SYNJ2: variants seen among roughly 807,000 people sequenced by gnomAD.
SYNJ2 encodes the protein polyphosphatidylinositol phosphatase SYNJ2.
In SYNJ2, 116 loss-of-function variants were observed where a neutral mutation model predicts 141.3. The observed-to-expected ratio is 0.82, with a 90% confidence interval of 0.71 to 0.96. The LOEUF (loss-of-function observed/expected upper bound fraction) is 0.96, where lower values mean the gene tolerates loss of function less well. SYNJ2 is among the 40% of genes least tolerant of loss of function. The pLI is 0.00. For synonymous variants in SYNJ2, 745 were observed against 777.7 expected, an observed-to-expected ratio of 0.96 and a Z score of 0.70; for missense variants, 1,873 against 1,934.8, an observed-to-expected ratio of 0.97 and a Z score of 0.60.
At chr6:158,016,591 GTTAGGGCTCTCCCTAACCA>G (rs1348230531) in intron 1 of SYNJ2, among the ~76,000 whole-genome samples, 5 of 152,160 alleles carry the variant, frequency 3.3e-5, no homozygotes, top group Non-Finnish European at 7.4e-5. Flanking sequence ...CATTGGAGAG[GTTAGGGCTCTCCCTAACCA>G]TTAGGGCTCC....
Position 157,986,856 on chromosome 6 carries a change from A to T in SYNJ2, c.127+4768A>T, listed in dbSNP as rs542144758. Among the ~76,000 whole-genome samples, 495 of 151,998 alleles carry T rather than the reference A, an allele frequency of 3.3e-3. 2 individuals carry two copies. The highest frequency in any genetic ancestry group is 0.01 in the Middle Eastern group (3 of 292). On this transcript the variant is annotated intron_variant, in intron 1 of 26. Coordinates refer to ENST00000355585, the MANE Select transcript of SYNJ2 (RefSeq NM_003898.4). ...TATTTCACTTGTCCCTGTATTTTTT[A>T]TGAAAACGTGAATCTCCTAAAATTT...
Position 158,028,766 on chromosome 6 carries a change from TC to T in SYNJ2, c.226del (p.Leu76Ter), listed in dbSNP as rs766243050. The T allele has an allele frequency of 6.2e-6, 10 of 1,613,986 alleles. No individual in the cohort carries two copies. The highest frequency in any genetic ancestry group is 7.6e-6 in the Non-Finnish European group (9 of 1,179,974). On this transcript the variant is annotated frameshift_variant, in exon 3 of 27. Coordinates refer to ENST00000355585, the MANE Select transcript of SYNJ2 (RefSeq NM_003898.4). LOFTEE classifies it high-confidence loss of function. ...TGATTTCCTTTCCAGGTGGCACGTCTCTGAGCTTCCTGGTGTTGGTGACAGG... is the reference window on the plus strand; with the variant it reads ...TGATTTCCTTTCCAGGTGGCACGTCTTGAGCTTCCTGGTGTTGGTGACAGG... ...ELRLKSGGTS[L>X]SFLVLVTGCT... is the part of the protein sequence containing the mutation.
chr6:158,081,127 G>T lies in SYNJ2; in HGVS notation c.2586G>T (p.Val862=). 2 of 1,614,014 alleles carry T rather than the reference G, an allele frequency of 1.2e-6. No individual in the cohort carries two copies. The highest frequency in any genetic ancestry group is 1.7e-6 in the Non-Finnish European group (2 of 1,180,028). The change falls in exon 19 of 27, where the codon GTG becomes GTT. Residue 862 remains valine (V), a synonymous_variant. Transcript: ENST00000355585. ...AACGCAGACCTGTGCTGGCGATCGT[G>T]GAGGTGGAAGTTCAGGAAGTCGATG... ...ASDHRPVLAI[V]EVEVQEVDVG... is the part of the protein sequence containing the mutation.
At chr6:157,988,963 T>C (rs553440699) in intron 1 of SYNJ2, among the ~76,000 whole-genome samples, 1 of 152,186 alleles carries the variant, frequency 6.6e-6, no homozygotes, top group East Asian at 1.9e-4. Flanking sequence ...CTTTTCGAGA[T>C]CTCACGGGCA....
At chr6:158,002,064 T>C (rs1457435861) in intron 1 of SYNJ2, 1 of 152,482 alleles carries the variant, frequency 6.6e-6, no homozygotes, top group Non-Finnish European at 1.5e-5. Context: ...ACCTTCTGGC[T>C]GCTCAGTCTT....
At chr6:158,076,397 G>A (rs148712872) in intron 16 of SYNJ2, among the ~76,000 whole-genome samples, 1,656 of 152,178 alleles carry the variant, frequency 0.011, 33 homozygotes, top group African/African-American at 0.037. Flanking sequence ...ACACTGGAGT[G>A]GGTGGGGAGA....
At chr6:158,045,783 C>G (rs1036160892) in intron 5 of SYNJ2, among the ~76,000 whole-genome samples, 4 of 152,142 alleles carry the variant, frequency 2.6e-5, no homozygotes, top group African/African-American at 4.8e-5. Context: ...CGTGCTGCCT[C>G]AGATGTAGCC....
In SYNJ2 at chr6:158,071,510, TC is replaced by T; in HGVS notation, c.1941-89del. On this transcript the variant is annotated intron_variant, in intron 14 of 26. Transcript: ENST00000355585. This position sits in a 1 kb window ranked among gnomAD's most constrained non-coding sequence, Gnocchi z 4.3. ...ATTTTGGAGCACTCAGAGCAGCAGGTCCCGAGCTGCTGCTGGGCCCTTCTCT... is the reference window on the plus strand; with the variant it reads ...ATTTTGGAGCACTCAGAGCAGCAGGTCCGAGCTGCTGCTGGGCCCTTCTCT... 7.0e-7 allele frequency: 1 copy of T among 1,438,576 alleles called. No individual in the cohort carries two copies. The allele number at this position is 1,438,576 out of a possible 1,614,324, so 89.1% of individuals were successfully genotyped here. A position where few individuals can be genotyped will look rare whatever the true frequency, so the allele number is the denominator to read the frequency against.
chr6:157,989,811 C>T (rs571674281), intron 1 of SYNJ2, among the ~76,000 whole-genome samples: 54 of 152,264 alleles, frequency 3.5e-4, no homozygotes, highest in African/African-American at 1.2e-3. Flanking sequence ...TAGACTGGGT[C>T]GGCTCCAAGA....
At chr6:157,983,465 G>T (rs202078522) in intron 1 of SYNJ2, among the ~76,000 whole-genome samples, 1 of 152,204 alleles carries the variant, frequency 6.6e-6, no homozygotes, top group Non-Finnish European at 1.5e-5. Flanking sequence ...TATCGGAAGC[G>T]AAAGAGTAAT....
intron 20 of SYNJ2, 33 bp downstream of exon 20, chr6:158,081,543 G>T: frequency 1.9e-6 from 3 of 1,590,280 alleles, no homozygotes; most frequent in Non-Finnish European, 2.6e-6. Flanking sequence ...GTGGAGTGGG[G>T]TCTGATCAAT....
In SYNJ2 at chr6:158,027,753, C is replaced by T. The variant is rs1437924003; in HGVS notation, c.215-1003C>T. ...ACTGCTGATGGGAATGCTATTGGCA[C>T]GTACGAGGGGTGCCTGTCCGTGTCT... On this transcript the variant is annotated intron_variant, in intron 2 of 26. Transcript: ENST00000355585. This position sits in a 1 kb window ranked among gnomAD's most constrained non-coding sequence, Gnocchi z 4.6. 4 of 152,272 alleles carry T rather than the reference C, an allele frequency of 2.6e-5. No individual in the cohort carries two copies. The highest frequency in any genetic ancestry group is 9.6e-5 in the African/African-American group (4 of 41,496). The allele number at this position is 152,272 out of a possible 1,614,324, so 9.4% of individuals were successfully genotyped here.
intron 12 of SYNJ2, chr6:158,067,789 A>G: frequency 1.0e-6 from 1 of 983,728 alleles, no homozygotes; most frequent in Non-Finnish European, 1.2e-6. Flanking sequence ...ATTCAGAGCC[A>G]CTGGGGCTCT....
intron 18 of SYNJ2, chr6:158,078,921 A>G (rs1782500942): frequency 6.6e-6 from 1 of 152,052 alleles, no homozygotes; most frequent in South Asian, 2.1e-4. Context: ...CAGCCTCCCA[A>G]GTAGCTGGGA....
At chr6:157,992,771 A>G (rs1479564949) in intron 1 of SYNJ2, among the ~76,000 whole-genome samples, 1 of 152,088 alleles carries the variant, frequency 6.6e-6, no homozygotes, top group African/African-American at 2.4e-5. Flanking sequence ...AGATAACAGG[A>G]TCTCATTCTT....
Position 158,063,820 on chromosome 6 carries a change from G to A in SYNJ2, c.1157G>A (p.Cys386Tyr), listed in dbSNP as rs1359576203. The A allele has an allele frequency of 6.2e-7, 1 of 1,613,816 alleles. No homozygotes were observed. Among genetic ancestry groups the A allele is most frequent in the Non-Finnish European group, 8.5e-7 (1 of 1,179,902 alleles). ...RFQKGTLRMNCLDCLDRTNTV... is the reference protein window; with the variant it reads ...RFQKGTLRMNYLDCLDRTNTV... Reference sequence around the variant, plus strand: ...CAGAAAGGCACTTTGCGGATGAACTGTCTTGACTGCCTGGACCGAACCAAC... The same window carrying A: ...CAGAAAGGCACTTTGCGGATGAACTATCTTGACTGCCTGGACCGAACCAAC... The change falls in exon 9 of 27, where the codon TGT (cysteine) becomes TAT (tyrosine). Residue 386 changes from cysteine (C) to tyrosine (Y), a missense_variant. Cys to Tyr is a radical substitution (Grantham distance 194). Transcript: ENST00000355585.
chr6:158,028,922 GGTGTT>G lies in SYNJ2; in HGVS notation c.382_386del (p.Val128LeufsTer12). On this transcript the variant is annotated frameshift_variant, in exon 3 of 27. Coordinates refer to ENST00000355585, the MANE Select transcript of SYNJ2 (RefSeq NM_003898.4). LOFTEE classifies it high-confidence loss of function. ...CTTTGAAGAAAATCCTCAGCTCGGGGGTGTTCTATTTCTCATGGCCAAACGATGGG... is the reference window on the plus strand; with the variant it reads ...CTTTGAAGAAAATCCTCAGCTCGGGGCTATTTCTCATGGCCAAACGATGGG... The G allele has an allele frequency of 6.2e-7, 1 of 1,614,180 alleles. No homozygotes were observed. The highest frequency in any genetic ancestry group is 1.1e-5 in the South Asian group (1 of 91,080).
At chr6:157,985,383 T>G (rs1466289621) in intron 1 of SYNJ2, among the ~76,000 whole-genome samples, 1 of 152,212 alleles carries the variant, frequency 6.6e-6, no homozygotes, top group African/African-American at 2.4e-5. Flanking sequence ...ATCTGTCTTT[T>G]ATGTAGATCA....
intron 18 of SYNJ2, chr6:158,079,118 GCT>G (rs1258578030): frequency 1.3e-5 from 2 of 152,222 alleles, no homozygotes; most frequent in Non-Finnish European, 2.9e-5. Context: ...CTTTTTAAAT[GCT>G]CTGTGCATCA....
Sources: allele counts gnomAD v4.1 joint callset (sites outside exome capture counted in the v4.1 genomes callset), GRCh38; gene constraint gnomAD v4.1.1; non-coding constraint Gnocchi (gnomAD v3.1); transcripts MANE v1.5; gene names NCBI Gene and HGNC (gene_info 2026-07-23, HGNC 2026-07-21).